RBBP4: variants seen among roughly 807,000 people sequenced by gnomAD.
The protein encoded by RBBP4 is RB binding protein 4, chromatin remodeling factor, also known as histone-binding protein RBBP4.
RBBP4 carries 3 observed loss-of-function variants against 57.2 expected under a neutral mutation model. The ratio of observed to expected loss-of-function variants is 0.05; its 90% CI spans 0.02 to 0.14. The LOEUF is 0.14. Ranked by LOEUF, RBBP4 falls within the 10% of genes least tolerant of loss-of-function variation. The pLI is 1.00. For synonymous variants in RBBP4, 151 were observed against 171.5 expected (o/e 0.88, Z 0.93); for missense variants, 107 against 520.6 (o/e 0.21, Z 7.73).
At position 32,668,957 on chromosome 1, in the gene RBBP4, A is replaced by G. The variant is rs201443101; in HGVS notation, c.601-15A>G. 3.6e-4 allele frequency: 580 copies of G among 1,613,918 alleles called. No homozygotes were observed. The highest frequency in any genetic ancestry group is 2.1e-3 in the Middle Eastern group (13 of 6,058). On this transcript the variant is annotated splice_polypyrimidine_tract_variant and intron_variant, in intron 5 of 11. Coordinates refer to ENST00000373493, the MANE Select transcript of RBBP4 (RefSeq NM_005610.3). Reference sequence around the variant, plus strand: ...AGAATCTTCCTTTTATATAATGGTTAATTTTACATTTAAGACCATCTGCCT... The same window carrying G: ...AGAATCTTCCTTTTATATAATGGTTGATTTTACATTTAAGACCATCTGCCT...
At chr1:32,673,281 T>G (rs1432259622) in intron 11 of RBBP4, among the ~76,000 whole-genome samples, 1 of 152,168 alleles carries the variant, frequency 6.6e-6, no homozygotes, top group East Asian at 1.9e-4. Flanking sequence ...CTGCGGTGTT[T>G]CTCCCATCTT....
intron 2 of RBBP4, chr1:32,652,452 G>C (rs1647835842): frequency 5.5e-6 from 1 of 182,632 alleles, no homozygotes; most frequent in Non-Finnish European, 1.2e-5. Flanking sequence ...AGGAGTTGGA[G>C]ACCAGCCCTG....
intron 4 of RBBP4, 121 bp from the exon 5 acceptor site, chr1:32,668,618 C>A: frequency 2.3e-6 from 2 of 862,486 alleles, no homozygotes; most frequent in Non-Finnish European, 3.6e-6. Context: ...TTGATCATAA[C>A]GGTTCCTATA....
chr1:32,660,397 C>T (rs1648348835), intron 3 of RBBP4, among the ~76,000 whole-genome samples: 1 of 118,834 alleles, frequency 8.4e-6, no homozygotes, highest in Non-Finnish European at 1.7e-5. Flanking sequence ...ACATACACCA[C>T]CATACCTGGA....
At chr1:32,657,627 G>T in intron 3 of RBBP4, 55 bp downstream of exon 3, 1 of 1,546,592 alleles carries the variant, frequency 6.5e-7, no homozygotes, top group Admixed American at 1.9e-5. Context: ...TCTGTTATGT[G>T]CACTTTGATA....
At chr1:32,657,352 C>T in intron 2 of RBBP4, 75 bp from the exon 3 acceptor site, 1 of 1,405,116 alleles carries the variant, frequency 7.1e-7, no homozygotes, top group South Asian at 1.3e-5. Context: ...GTGACTTTGA[C>T]ATACATGTAT....
Position 32,681,577 on chromosome 1 carries a change from C to T in RBBP4, c.*1872C>T. ...ATATGTGAGGGTTGTTGCTGGAAGACAGGAGGCTCATCTTTCCTTTCCTTG... is the reference window on the plus strand; with the variant it reads ...ATATGTGAGGGTTGTTGCTGGAAGATAGGAGGCTCATCTTTCCTTTCCTTG... On this transcript the variant is annotated 3_prime_UTR_variant, in exon 12 of 12. Coordinates refer to ENST00000373493, the MANE Select transcript of RBBP4 (RefSeq NM_005610.3). The T allele has an allele frequency of 1.2e-5, 7 of 564,292 alleles. No homozygotes were observed. The highest frequency in any genetic ancestry group is 2.2e-5 in the Non-Finnish European group (7 of 316,778). The allele number at this position is 564,292 out of a possible 1,614,324, so 35.0% of individuals were successfully genotyped here. A position where few individuals can be genotyped will look rare whatever the true frequency, so the allele number is the denominator to read the frequency against.
At chr1:32,663,161 A>G (rs1327984928) in intron 3 of RBBP4, among the ~76,000 whole-genome samples, 2 of 152,150 alleles carry the variant, frequency 1.3e-5, no homozygotes, top group Non-Finnish European at 2.9e-5. Flanking sequence ...GTTTGAGGAC[A>G]TAGTATTGAC....
intron 11 of RBBP4, among the ~76,000 whole-genome samples, chr1:32,675,998 G>A (rs1186615765): frequency 6.6e-6 from 1 of 151,182 alleles, no homozygotes; most frequent in African/African-American, 2.4e-5. Flanking sequence ...GAGGCAGGAG[G>A]ATACCTTGAA....
At chr1:32,656,542 G>A (rs1211092280) in intron 2 of RBBP4, among the ~76,000 whole-genome samples, 1 of 152,104 alleles carries the variant, frequency 6.6e-6, no homozygotes, top group African/African-American at 2.4e-5. Flanking sequence ...AGTAGAGACC[G>A]GGTTTCATCA....
intron 3 of RBBP4, among the ~76,000 whole-genome samples, chr1:32,663,955 C>G (rs1037078918): frequency 4.1e-5 from 6 of 147,538 alleles, no homozygotes; most frequent in Admixed American, 6.8e-5. Context: ...GAGATGGAGT[C>G]TCGCTCTGTT....
At chr1:32,674,732 T>A (rs1045506855) in intron 11 of RBBP4, among the ~76,000 whole-genome samples, 4 of 147,302 alleles carry the variant, frequency 2.7e-5, no homozygotes, top group African/African-American at 7.4e-5. Context: ...TTTTTTTTAA[T>A]TTTTTTTTTT....
chr1:32,669,978 A>G lies in RBBP4; in HGVS notation c.966+415A>G, dbSNP rs999832705. 2.0e-5 allele frequency among the ~76,000 whole-genome samples: 3 copies of G among 152,232 alleles called. No homozygotes were observed. Among genetic ancestry groups the G allele is most frequent in the South Asian group, 2.1e-4 (1 of 4,836 alleles). ...GCTAAAAATAGAAATCTATATGCCT[A>G]TGCTACTTTCTGTGGGAATTGTTTT... is the stretch of plus-strand genomic sequence containing the variant. On this transcript the variant is annotated intron_variant, in intron 8 of 11. Transcript: ENST00000373493. The surrounding 1 kb of genome is among the most constrained non-coding windows in gnomAD (Gnocchi z 4.9).
At chr1:32,677,024 G>T (rs1649132073) in intron 11 of RBBP4, among the ~76,000 whole-genome samples, 2 of 152,140 alleles carry the variant, frequency 1.3e-5, no homozygotes, top group Non-Finnish European at 2.9e-5. Flanking sequence ...TACTTTATTT[G>T]GTGTTTTTAG....
chr1:32,652,969 A>G (rs920527470), intron 2 of RBBP4, among the ~76,000 whole-genome samples: 1 of 152,226 alleles, frequency 6.6e-6, no homozygotes, highest in African/African-American at 2.4e-5. Context: ...CAGCAGTTGT[A>G]GAGAGATAAT....
chr1:32,666,576 C>T (rs917837086), intron 3 of RBBP4, among the ~76,000 whole-genome samples: 5 of 151,992 alleles, frequency 3.3e-5, no homozygotes, highest in Non-Finnish European at 5.9e-5. Flanking sequence ...AGGCTGGTCT[C>T]GAACTCCTGA....
At chr1:32,666,996 A>C (rs1648682259) in intron 3 of RBBP4, among the ~76,000 whole-genome samples, 1 of 152,226 alleles carries the variant, frequency 6.6e-6, no homozygotes, top group South Asian at 2.1e-4. Context: ...GGGCCACTTG[A>C]GGGCTCCTTG....
At position 32,680,850 on chromosome 1, in the gene RBBP4, C is replaced by A; in HGVS notation, c.*1145C>A. ...AAGTGAAAGACATAAAACACTGAAT[C>A]AGAGGTGGCACAGATTAGTCTTTGA... On this transcript the variant is annotated 3_prime_UTR_variant, in exon 12 of 12. Transcript: ENST00000373493. 3.0e-6 allele frequency: 1 copy of A among 337,330 alleles called. No individual in the cohort carries two copies. Among genetic ancestry groups the A allele is most frequent in the Non-Finnish European group, 5.4e-6 (1 of 186,202 alleles). The allele number at this position is 337,330 out of a possible 1,614,324, so 20.9% of individuals were successfully genotyped here. A position where few individuals can be genotyped will look rare whatever the true frequency, so the allele number is the denominator to read the frequency against.
chr1:32,659,761 T>C (rs1371024640), intron 3 of RBBP4, among the ~76,000 whole-genome samples: 1 of 152,210 alleles, frequency 6.6e-6, no homozygotes, highest in Non-Finnish European at 1.5e-5. Context: ...ATCTGGGGCA[T>C]GTATCTTTGT....
Sources: allele counts gnomAD v4.1 joint callset (sites outside exome capture counted in the v4.1 genomes callset), GRCh38; gene constraint gnomAD v4.1.1; non-coding constraint Gnocchi (gnomAD v3.1); transcripts MANE v1.5; gene names NCBI Gene and HGNC (gene_info 2026-07-23, HGNC 2026-07-21).